Variants in KCNN3 observed in about 807,000 individuals in gnomAD.
The protein encoded by KCNN3 is potassium calcium-activated channel subfamily N member 3, also known as small conductance calcium-activated potassium channel protein 3.
In KCNN3, 16 loss-of-function variants were observed where a neutral mutation model predicts 62.9. The ratio of observed to expected loss-of-function variants is 0.25; its 90% confidence interval spans 0.17 to 0.39. KCNN3 has a LOEUF of 0.39. Ranked by LOEUF, KCNN3 falls within the 10% of genes least tolerant of loss-of-function variation. KCNN3 has a pLI of 1.00. For synonymous variants in KCNN3, 370 were observed against 389.2 expected, an observed-to-expected ratio of 0.95 and a Z score of 0.58; for missense variants, 599 against 949.4, an observed-to-expected ratio of 0.63 and a Z score of 4.85.
intron 3 of KCNN3, among the ~76,000 whole-genome samples, chr1:154,736,860 C>T (rs1000766075): frequency 3.3e-5 from 5 of 152,108 alleles, no homozygotes; most frequent in South Asian, 4.2e-4. Flanking sequence ...AACTCCTGTG[C>T]GTGCTAACTG....
chr1:154,708,390 A>G, intron 7 of KCNN3, 118 bp from the exon 8 acceptor site: 1 of 1,033,438 alleles, frequency 9.7e-7, no homozygotes, highest in Non-Finnish European at 1.5e-6. Context: ...ACACCAGCTG[A>G]TCTGGTCAAG....
At chr1:154,826,512 A>G (rs1651137569) in intron 1 of KCNN3, among the ~76,000 whole-genome samples, 1 of 151,312 alleles carries the variant, frequency 6.6e-6, no homozygotes, top group South Asian at 2.1e-4. Flanking sequence ...TGCAAAAGCC[A>G]GGTTTTACAC....
At chr1:154,758,112 C>T (rs1647816808) in intron 3 of KCNN3, among the ~76,000 whole-genome samples, 1 of 152,126 alleles carries the variant, frequency 6.6e-6, no homozygotes, top group Non-Finnish European at 1.5e-5. Flanking sequence ...CACGTTTTAA[C>T]CAATATTAAC....
intron 2 of KCNN3, among the ~76,000 whole-genome samples, chr1:154,791,370 T>A (rs1403071183): frequency 6.6e-6 from 1 of 151,566 alleles, no homozygotes; most frequent in Non-Finnish European, 1.5e-5. Context: ...TTCTTGCGGC[T>A]GGTGCTGGGG....
rs528689724 is a variant in KCNN3 at position 154,704,152 on chromosome 1, C to T, written c.*3824G>A. 5.3e-5 allele frequency: 8 copies of T among 152,236 alleles called. No individual in the cohort carries two copies. Among genetic ancestry groups the T allele is most frequent in the Non-Finnish European group, 8.8e-5 (6 of 68,048 alleles). The allele number at this position is 152,236 out of a possible 1,614,324, so 9.4% of individuals were successfully genotyped here. On this transcript the variant is annotated 3_prime_UTR_variant, in exon 8 of 8. Coordinates refer to ENST00000271915, the MANE Select transcript of KCNN3 (RefSeq NM_002249.6). The stretch of plus-strand genomic sequence containing the variant: ...ATAAAAATAGCTTGTACATGCTCAG[C>T]GCTTGGAATTTACTTTTGCGTACAT...
At chr1:154,846,816 T>G (rs1440938717) in intron 1 of KCNN3, among the ~76,000 whole-genome samples, 4 of 152,214 alleles carry the variant, frequency 2.6e-5, no homozygotes, top group African/African-American at 7.2e-5. Flanking sequence ...CTGTGCTTAC[T>G]AGAGGAGGAA....
At chr1:154,826,989 A>C (rs1651163298) in intron 1 of KCNN3, among the ~76,000 whole-genome samples, 1 of 152,188 alleles carries the variant, frequency 6.6e-6, no homozygotes, top group South Asian at 2.1e-4. Flanking sequence ...GTGTTTATAC[A>C]CATATGTGGT....
At chr1:154,716,112 T>C (rs552672998) in intron 5 of KCNN3, among the ~76,000 whole-genome samples, 8 of 152,350 alleles carry the variant, frequency 5.3e-5, no homozygotes, top group African/African-American at 1.9e-4. Context: ...TTTCAACATA[T>C]GACGCTGTCA....
rs114947155 is a variant in KCNN3, at chr1:154,854,728, C to T, written c.933+14304G>A. Among the ~76,000 whole-genome samples the T allele has an allele frequency of 4.8e-3, 732 of 152,276 alleles. 4 individuals carry two copies. The highest frequency in any genetic ancestry group is 0.024 in the Middle Eastern group (7 of 294). On this transcript the variant is annotated intron_variant, in intron 1 of 7. Transcript: ENST00000271915. Reference sequence around the variant, plus strand: ...TTCGTGACATCTTGATGATCCTGAACCTGTGTCAGCCCAGGCTAACGTGTG... The same window carrying T: ...TTCGTGACATCTTGATGATCCTGAATCTGTGTCAGCCCAGGCTAACGTGTG...
chr1:154,853,413 A>G (rs559823496), intron 1 of KCNN3, among the ~76,000 whole-genome samples: 1 of 152,174 alleles, frequency 6.6e-6, no homozygotes, highest in South Asian at 2.1e-4. Flanking sequence ...ACAGCTCACT[A>G]CAGCTTTGAC....
chr1:154,839,083 G>T (rs1468260393), intron 1 of KCNN3, among the ~76,000 whole-genome samples: 2 of 152,188 alleles, frequency 1.3e-5, no homozygotes, highest in South Asian at 4.1e-4. Flanking sequence ...AGATACAGGG[G>T]ACCCAAGTAA....
intron 3 of KCNN3, among the ~76,000 whole-genome samples, chr1:154,751,036 C>T (rs936682255): frequency 2.6e-5 from 4 of 152,214 alleles, no homozygotes; most frequent in African/African-American, 4.8e-5. Context: ...GGCCAGAAAG[C>T]GGAGAACTGG....
intron 1 of KCNN3, among the ~76,000 whole-genome samples, chr1:154,834,132 T>A (rs1030071453): frequency 6.6e-6 from 1 of 152,220 alleles, no homozygotes; most frequent in Non-Finnish European, 1.5e-5. Flanking sequence ...ATGGCACTTG[T>A]ATAATTCTTT....
At chr1:154,848,839 G>A (rs990429894) in intron 1 of KCNN3, among the ~76,000 whole-genome samples, 10 of 152,178 alleles carry the variant, frequency 6.6e-5, no homozygotes, top group Non-Finnish European at 8.8e-5. Flanking sequence ...CCTCTCTACC[G>A]CACTTAGCAC....
chr1:154,850,115 C>T (rs954740117), intron 1 of KCNN3, among the ~76,000 whole-genome samples: 6 of 152,184 alleles, frequency 3.9e-5, no homozygotes, highest in Admixed American at 1.3e-4. Context: ...CTACTGTTCC[C>T]TCTGCACCAT....
At chr1:154,852,659 C>T (rs1652353438) in intron 1 of KCNN3, among the ~76,000 whole-genome samples, 1 of 152,148 alleles carries the variant, frequency 6.6e-6, no homozygotes, top group Admixed American at 6.5e-5. Flanking sequence ...TGTAAAAGAT[C>T]TCAATAATTT....
intron 2 of KCNN3, among the ~76,000 whole-genome samples, chr1:154,781,472 A>G (rs1408635205): frequency 6.6e-6 from 1 of 152,206 alleles, no homozygotes; most frequent in Non-Finnish European, 1.5e-5. Flanking sequence ...TGGGAAACAG[A>G]CAAATTCAGA....
rs1341755584 is a variant in KCNN3, at chr1:154,702,377, T to TAGCA, written c.*5595_*5598dup. On this transcript the variant is annotated 3_prime_UTR_variant, in exon 8 of 8. Transcript: ENST00000271915. ...TATGCTTTCTCCTATCATTAAAAAA[T>TAGCA]AGCAAGCAGTACAGAGGCAAGATGC... The TAGCA allele has an allele frequency of 1.3e-5, 2 of 151,838 alleles. No homozygotes were observed. Among genetic ancestry groups the TAGCA allele is most frequent in the Non-Finnish European group, 2.9e-5 (2 of 68,002 alleles). The allele number at this position is 151,838 out of a possible 1,614,324, so 9.4% of individuals were successfully genotyped here.
intron 3 of KCNN3, among the ~76,000 whole-genome samples, chr1:154,751,231 A>G (rs767634595): frequency 4.6e-5 from 7 of 152,160 alleles, no homozygotes; most frequent in Non-Finnish European, 7.4e-5. Flanking sequence ...CGTGTGTACA[A>G]TATGAGGATT....
Sources: gnomAD v4.1 joint callset for allele counts (sites outside exome capture counted in the v4.1 genomes callset) on GRCh38, gnomAD v4.1.1 for gene constraint, MANE v1.5 for transcripts, NCBI Gene and HGNC (gene_info 2026-07-23, HGNC 2026-07-21) for gene names.